DLG5: variants seen among roughly 807,000 people sequenced by gnomAD.
DLG5 encodes the protein discs large MAGUK scaffold protein 5, also known as disks large homolog 5.
In DLG5, 48 loss-of-function variants were observed where a neutral mutation model predicts 189.8. The ratio of observed to expected loss-of-function variants is 0.25; its 90% CI spans 0.20 to 0.32. The LOEUF (loss-of-function observed/expected upper bound fraction) is 0.32, where lower values mean the gene tolerates loss of function less well. DLG5 is among the 10% of genes least tolerant of loss of function. The pLI is 1.00. For missense variants in DLG5, 2,160 were observed against 2,544.7 expected, an observed-to-expected ratio of 0.85 and a Z score of 3.25; for synonymous variants, 1,016 against 1,054.1, an observed-to-expected ratio of 0.96 and a Z score of 0.70.
At chr10:77,914,604 T>C (rs889726318) in intron 1 of DLG5, among the ~76,000 whole-genome samples, 4 of 152,066 alleles carry the variant, frequency 2.6e-5, no homozygotes, top group Admixed American at 6.6e-5. Context: ...TCCCGCAGCC[T>C]TGCTCCCTGG....
intron 1 of DLG5, among the ~76,000 whole-genome samples, chr10:77,921,571 C>G (rs1349574021): frequency 6.6e-6 from 1 of 152,206 alleles, no homozygotes; most frequent in Non-Finnish European, 1.5e-5. Flanking sequence ...CACCCAGAGC[C>G]AAGGCCAAAC....
intron 5 of DLG5, among the ~76,000 whole-genome samples, chr10:77,846,281 A>G (rs747246520): frequency 2.0e-5 from 3 of 152,224 alleles, no homozygotes; most frequent in Non-Finnish European, 4.4e-5. Flanking sequence ...CCATGACTAT[A>G]CTGGGTCAGT....
Position 77,872,074 on chromosome 10 carries a change from T to A in DLG5, c.305-2877A>T, listed in dbSNP as rs144183037. ...CACTGACATGTTGGTGGATTGTTTTTGGAAGACGTCTACTCAGGAAAGCAG... is the reference window on the plus strand; with the variant it reads ...CACTGACATGTTGGTGGATTGTTTTAGGAAGACGTCTACTCAGGAAAGCAG... On this transcript the variant is annotated intron_variant, in intron 1 of 31. Coordinates refer to ENST00000372391, the MANE Select transcript of DLG5 (RefSeq NM_004747.4). Among the ~76,000 whole-genome samples, 37 of 152,340 alleles carry A rather than the reference T, an allele frequency of 2.4e-4. 1 individual carries two copies. The East Asian group carries it at 7.1e-3, about 29-fold the overall frequency.
chr10:77,806,507 C>T (rs994905415), intron 26 of DLG5, among the ~76,000 whole-genome samples: 8 of 152,224 alleles, frequency 5.3e-5, no homozygotes, highest in African/African-American at 1.9e-4. Context: ...CGAGTATCTC[C>T]ATAAATCCAT....
chr10:77,793,531 T>C (rs1184161485), intron 31 of DLG5: 1 of 151,184 alleles, frequency 6.6e-6, no homozygotes, highest in Admixed American at 6.7e-5. Flanking sequence ...GGGGACAGCA[T>C]TGTTTTTTTT....
Position 77,806,798 on chromosome 10 carries a change from C to A in DLG5, c.4927G>T (p.Ala1643Ser), listed in dbSNP as rs1199826451. ...ATCTGCCCGCGCTGGATCTTCTGGG[C>A]ATTCTCGTCCAGCTGCCAAGCCATC... ...SWMAWQLDENAQKIQRGQIPS... is the reference protein window; with the variant it reads ...SWMAWQLDENSQKIQRGQIPS... The change falls in exon 26 of 32, where the codon GCC (alanine) becomes TCC (serine). Residue 1643 changes from alanine to serine, a missense_variant. By Grantham distance (99) the Ala-to-Ser change is moderately conservative. This residue lies in a region of DLG5 where 574 missense variants were observed against 644.2 expected (regional missense o/e 0.89). Transcript: ENST00000372391. 2 of 1,558,400 alleles carry A rather than the reference C, an allele frequency of 1.3e-6. No individual in the cohort carries two copies. Among genetic ancestry groups the A allele is most frequent in the East Asian group, 4.9e-5 (2 of 40,512 alleles).
the DLG5 span, among the ~76,000 whole-genome samples, chr10:77,937,220 C>T: frequency 6.6e-6 from 1 of 152,174 alleles, no homozygotes; most frequent in African/African-American, 2.4e-5. Context: ...TCCACCAATA[C>T]AATGTGCCCC....
At chr10:77,885,102 A>T (rs1845399985) in intron 1 of DLG5, among the ~76,000 whole-genome samples, 1 of 152,204 alleles carries the variant, frequency 6.6e-6, no homozygotes, top group Non-Finnish European at 1.5e-5. Context: ...AAGATAAAAC[A>T]GCACAAGCAT....
intron 7 of DLG5, among the ~76,000 whole-genome samples, chr10:77,839,217 T>C (rs757186662): frequency 9.9e-5 from 15 of 152,186 alleles, no homozygotes; most frequent in Non-Finnish European, 1.6e-4. Flanking sequence ...ATCTCAAAAC[T>C]TGGCCAGGCG....
At chr10:77,858,568 G>A (rs906424554) in intron 2 of DLG5, among the ~76,000 whole-genome samples, 2 of 150,812 alleles carry the variant, frequency 1.3e-5, no homozygotes, top group East Asian at 2.0e-4. Flanking sequence ...AGCCCAGGAC[G>A]TCAAGGCTGC....
rs369951563 is a variant in DLG5, at chr10:77,821,422, G to T, written c.3062C>A (p.Ser1021Tyr). The change falls in exon 15 of 32, where the codon TCC becomes TAC. Residue 1021 changes from serine (S) to tyrosine (Y), a missense_variant. Coordinates refer to ENST00000372391, the MANE Select transcript of DLG5 (RefSeq NM_004747.4). ...CTCCAGCCTGTGCTGGAACTTAATG[G>T]AGTCGCTCCTTCTGGGAGGTTTTGG... ...TPPKPPRRSDSIKFQHRLETS... is the reference protein window; with the variant it reads ...TPPKPPRRSDYIKFQHRLETS... The T allele has an allele frequency of 8.1e-6, 13 of 1,612,674 alleles. No individual in the cohort carries two copies. The African/African-American group carries it at 1.3e-4, about 17-fold the overall frequency.
At chr10:77,828,557 T>G (rs1182554221) in intron 13 of DLG5, among the ~76,000 whole-genome samples, 1 of 151,642 alleles carries the variant, frequency 6.6e-6, no homozygotes, top group Non-Finnish European at 1.5e-5. Context: ...GTGGTTCTTA[T>G]TTCCCGCTTA....
At chr10:77,903,240 C>T (rs137963698) in intron 1 of DLG5, among the ~76,000 whole-genome samples, 3,973 of 152,072 alleles carry the variant, frequency 0.026, 181 homozygotes, top group African/African-American at 0.091. Context: ...CCAGCCTGGC[C>T]AATATGGAGA....
rs1379838904 is a variant in DLG5 at position 77,830,819 on chromosome 10, G to C, written c.1803C>G (p.Ala601=). ...EKEARFRQLM[A]HSSHDSAIDT... The stretch of plus-strand genomic sequence containing the variant: ...CAATGGCCGAGTCGTGGGAGCTGTG[G>C]GCCATCAGCTGTCGGAACCGGGCCT... Residue 601 remains alanine (A), a synonymous_variant, in exon 10 of 32, where the codon GCC becomes GCG. Coordinates refer to ENST00000372391, the MANE Select transcript of DLG5 (RefSeq NM_004747.4). 14 of 1,614,186 alleles carry C rather than the reference G, an allele frequency of 8.7e-6. No homozygotes were observed. Among genetic ancestry groups the C allele is most frequent in the Non-Finnish European group, 1.1e-5 (13 of 1,180,034 alleles).
At chr10:77,909,590 C>A (rs1399178023) in intron 1 of DLG5, among the ~76,000 whole-genome samples, 1 of 152,116 alleles carries the variant, frequency 6.6e-6, no homozygotes, top group African/African-American at 2.4e-5. Flanking sequence ...CAGCTGGTCA[C>A]CGTTTTGTTC....
Position 77,843,441 on chromosome 10 carries a change from C to A in DLG5, c.1124+6G>T. 1.2e-6 allele frequency: 2 copies of A among 1,613,070 alleles called. No individual in the cohort carries two copies. Among genetic ancestry groups the A allele is most frequent in the South Asian group, 1.1e-5 (1 of 91,074 alleles). On this transcript the variant is annotated splice_donor_region_variant and intron_variant, in intron 6 of 31. Transcript: ENST00000372391. The stretch of plus-strand genomic sequence containing the variant: ...TGCCCCCGGCCCCCGATGGCCCTAG[C>A]CCTACCTCCTCAGGGAGAGGGCGCA...
intron 5 of DLG5, among the ~76,000 whole-genome samples, chr10:77,847,027 A>T (rs1486452921): frequency 6.6e-6 from 1 of 152,130 alleles, no homozygotes; most frequent in Non-Finnish European, 1.5e-5. Context: ...CAGTCCCCTG[A>T]ATGGCTAACC....
At chr10:77,793,694 G>A (rs1421370789) in intron 31 of DLG5, 3 of 366,880 alleles carry the variant, frequency 8.2e-6, no homozygotes, top group Admixed American at 4.3e-5. Flanking sequence ...TCCCCGCCCT[G>A]CCTGGGGACA....
intron 20 of DLG5, among the ~76,000 whole-genome samples, chr10:77,813,042 C>A (rs1012211106): frequency 5.3e-5 from 8 of 152,234 alleles, no homozygotes; most frequent in African/African-American, 1.9e-4. Flanking sequence ...CAGAAGAGAT[C>A]TGTGGTGGCA....
Sources: allele counts gnomAD v4.1 joint callset (sites outside exome capture counted in the v4.1 genomes callset), GRCh38; gene constraint gnomAD v4.1.1; regional missense constraint gnomAD v4.1.1; transcripts MANE v1.5; gene names NCBI Gene and HGNC (gene_info 2026-07-23, HGNC 2026-07-21).